The following ROBO2 variants were observed in gnomAD, a reference collection of about 807,000 sequenced individuals.
ROBO2 encodes the protein roundabout guidance receptor 2, also known as roundabout homolog 2.
Under a neutral mutation model 160.8 loss-of-function variants are expected in ROBO2, and 53 were observed. The ratio of observed to expected loss-of-function variants is 0.33; its 90% CI spans 0.26 to 0.41. The LOEUF is 0.41. Among genes scored for constraint, ROBO2 ranks in the 10% least tolerant of loss-of-function variants. ROBO2 has a pLI of 1.00. For synonymous variants in ROBO2, 664 were observed against 611.7 expected, an observed-to-expected ratio of 1.09 and a Z score of -1.26; for missense variants, 1,577 against 1,722.4, an observed-to-expected ratio of 0.92 and a Z score of 1.49.
intron 1 of ROBO2, among the ~76,000 whole-genome samples, chr3:75,913,458 T>A (rs1946682002): frequency 6.6e-6 from 1 of 152,230 alleles, no homozygotes; most frequent in South Asian, 2.1e-4. Context: ...ATTAATGTGC[T>A]TGCTTACGCA....
chr3:77,193,924 A>T (rs1043647834), intron 2 of ROBO2, among the ~76,000 whole-genome samples: 4 of 151,720 alleles, frequency 2.6e-5, no homozygotes, highest in African/African-American at 9.7e-5. Context: ...ACAAATAAGT[A>T]TTCATCTGTT....
chr3:76,750,522 T>G (rs1417874423), intron 2 of ROBO2, among the ~76,000 whole-genome samples: 1 of 152,156 alleles, frequency 6.6e-6, no homozygotes, highest in Non-Finnish European at 1.5e-5. Context: ...TGTTTGCAGA[T>G]GACATGATTG....
rs2107614894 is a variant in ROBO2 at position 76,267,477 on chromosome 3, TTGTGTTCATCTAATTGG to T, written c.109+329877_109+329893del. Among the ~76,000 whole-genome samples the T allele has an allele frequency of 2.0e-5, 3 of 152,292 alleles. No individual in the cohort carries two copies. In the South Asian group the frequency reaches 6.2e-4, roughly 32 times the overall value. ...ATGTTGCAGGTTTTAAATTTTAGTG[TTGTGTTCATCTAATTGG>T]TCCTTTAAATAGACACTAAGCCTTT... is the stretch of plus-strand genomic sequence containing the variant. On this transcript the variant is annotated intron_variant, in intron 2 of 26. Coordinates refer to the ROBO2 transcript ENST00000487694.
chr3:77,106,636 A>G (rs1356066124), intron 2 of ROBO2, among the ~76,000 whole-genome samples: 2 of 152,198 alleles, frequency 1.3e-5, no homozygotes, highest in Admixed American at 1.3e-4. Context: ...TTGTTTAACT[A>G]TGAAAGTTTT....
At chr3:76,198,634 A>G (rs917111193) in intron 2 of ROBO2, among the ~76,000 whole-genome samples, 1 of 152,124 alleles carries the variant, frequency 6.6e-6, no homozygotes, top group East Asian at 1.9e-4. Context: ...GCACCTTTTA[A>G]AGGTCTGAAT....
intron 2 of ROBO2, among the ~76,000 whole-genome samples, chr3:77,295,540 G>T (rs1664627218): frequency 6.8e-6 from 1 of 146,820 alleles, no homozygotes; most frequent in South Asian, 2.3e-4. Flanking sequence ...GTAAGCTGAG[G>T]CTAGATCACC....
chr3:76,071,485 T>C (rs6780497), intron 2 of ROBO2, among the ~76,000 whole-genome samples: 27,526 of 152,152 alleles, frequency 0.18, 3,208 homozygotes, highest in South Asian at 0.43. Flanking sequence ...TTATGTTACA[T>C]AATTACCCAT....
chr3:77,490,467 T>C (rs978415481), intron 4 of ROBO2, among the ~76,000 whole-genome samples: 2 of 152,190 alleles, frequency 1.3e-5, no homozygotes, highest in African/African-American at 2.4e-5. Context: ...GTCTGTTTGA[T>C]TCCTTCTTTA....
chr3:76,789,924 G>A (rs267138), intron 2 of ROBO2, among the ~76,000 whole-genome samples: 79,322 of 151,432 alleles, frequency 0.52, 22,642 homozygotes, highest in African/African-American at 0.77. Context: ...AATTTGTAGA[G>A]CACAGTCTAT....
intron 2 of ROBO2, among the ~76,000 whole-genome samples, chr3:77,465,785 G>T (rs1297723329): frequency 1.3e-5 from 2 of 152,104 alleles, no homozygotes; most frequent in Non-Finnish European, 2.9e-5. Flanking sequence ...TTTGATATCA[G>T]TTTGTCTTTA....
At chr3:76,720,933 G>A (rs552731414) in intron 2 of ROBO2, among the ~76,000 whole-genome samples, 24 of 152,158 alleles carry the variant, frequency 1.6e-4, no homozygotes, top group African/African-American at 4.6e-4. Flanking sequence ...TGTCCACTAC[G>A]ACACACAAAA....
intron 2 of ROBO2, among the ~76,000 whole-genome samples, chr3:76,204,481 C>G (rs780739402): frequency 6.6e-6 from 1 of 152,094 alleles, no homozygotes; most frequent in African/African-American, 2.4e-5. Context: ...TGTTTAAAAT[C>G]GACTCTTCTT....
intron 6 of ROBO2, among the ~76,000 whole-genome samples, chr3:77,525,982 C>T (rs572852390): frequency 1.5e-4 from 22 of 151,492 alleles, no homozygotes; most frequent in African/African-American, 5.3e-4. Context: ...CACAACTTCA[C>T]ATTATTAGTC....
chr3:77,078,218 C>A (rs1343449389), intron 1 of ROBO2, among the ~76,000 whole-genome samples: 1 of 152,172 alleles, frequency 6.6e-6, no homozygotes, highest in Non-Finnish European at 1.5e-5. Context: ...TTTTTAGCTA[C>A]TGAGCCGTTT....
At position 76,596,916 on chromosome 3, in the gene ROBO2, A is replaced by G. The variant is rs531464276; in HGVS notation, c.110-501098A>G. 3.3e-3 allele frequency among the ~76,000 whole-genome samples: 508 copies of G among 152,236 alleles called. 2 individuals carry two copies. The highest frequency in any genetic ancestry group is 0.017 in the Middle Eastern group (5 of 294). On this transcript the variant is annotated intron_variant, in intron 2 of 26. Coordinates refer to the ROBO2 transcript ENST00000487694. ...AATTGCTCTAAACAAAAATATAACA[A>G]AAGTGTTTAAAGCCCTCTGTCAACT...
intron 2 of ROBO2, among the ~76,000 whole-genome samples, chr3:76,571,389 CAATA>C (rs1361514222): frequency 6.6e-6 from 1 of 151,816 alleles, no homozygotes; most frequent in African/African-American, 2.4e-5. Flanking sequence ...AAATCACAAA[CAATA>C]AAATATAGGA....
chr3:76,206,604 C>T lies in ROBO2; in HGVS notation c.109+269002C>T, dbSNP rs549804729. Among the ~76,000 whole-genome samples the T allele has an allele frequency of 5.3e-5, 8 of 152,280 alleles. No homozygotes were observed. The South Asian group carries it at 1.7e-3, about 32-fold the overall frequency. ...GGTCCAACGTGCATATAGACACTCC[C>T]ATGTGTGAAAAGTTCCGAGAGCCCC... is the stretch of plus-strand genomic sequence containing the variant. On this transcript the variant is annotated intron_variant, in intron 2 of 26. Transcript: ENST00000487694.
chr3:77,021,054 A>T (rs75188124), intron 2 of ROBO2, among the ~76,000 whole-genome samples: 7,462 of 151,972 alleles, frequency 0.049, 566 homozygotes, highest in African/African-American at 0.17. Context: ...AATATTTTTT[A>T]AAAAAATTAT....
At position 76,353,806 on chromosome 3, in the gene ROBO2, G is replaced by A. The variant is rs116754270; in HGVS notation, c.109+416204G>A. On this transcript the variant is annotated intron_variant, in intron 2 of 26. Transcript: ENST00000487694. Reference sequence around the variant, plus strand: ...TTAGAACTTAGAGAACTCTCTAAACGCACTTCTAATTAACACCTAAATTCT... The same window carrying A: ...TTAGAACTTAGAGAACTCTCTAAACACACTTCTAATTAACACCTAAATTCT... Among the ~76,000 whole-genome samples the A allele has an allele frequency of 2.9e-3, 443 of 151,806 alleles. 2 individuals carry two copies. Among genetic ancestry groups the A allele is most frequent in the African/African-American group, 0.01 (431 of 41,448 alleles).
Sources: gnomAD v4.1 joint callset for allele counts (sites outside exome capture counted in the v4.1 genomes callset) on GRCh38, gnomAD v4.1.1 for gene constraint, MANE v1.5 for transcripts, NCBI Gene and HGNC (gene_info 2026-07-23, HGNC 2026-07-21) for gene names.